The following QRICH1 variants were observed in gnomAD, a reference collection of about 807,000 sequenced individuals.
The protein encoded by QRICH1 is transcriptional regulator QRICH1.
In QRICH1, 16 loss-of-function variants were observed where a neutral mutation model predicts 87.1. That is an observed-to-expected ratio of 0.18 (90% confidence interval 0.12 to 0.28). The LOEUF is 0.28. QRICH1 is among the 10% of genes least tolerant of loss of function. The pLI is 1.00. For missense variants in QRICH1, 647 were observed against 951.7 expected (o/e 0.68, Z 4.21); for synonymous variants, 367 against 368.4 (o/e 1.00, Z 0.05).
At chr3:49,054,080 A>G (rs924296977) in intron 3 of QRICH1, among the ~76,000 whole-genome samples, 2 of 152,166 alleles carry the variant, frequency 1.3e-5, no homozygotes, top group African/African-American at 4.8e-5. Context: ...TCTGGTAATA[A>G]TAACTTCATG....
chr3:49,040,126 A>C (rs1036497292), intron 6 of QRICH1, among the ~76,000 whole-genome samples: 3 of 152,254 alleles, frequency 2.0e-5, no homozygotes, highest in Admixed American at 6.5e-5. Context: ...GGAATTCATT[A>C]ATCTATTGTT....
chr3:49,037,775 G>A (rs1315983314), intron 6 of QRICH1, among the ~76,000 whole-genome samples: 2 of 150,366 alleles, frequency 1.3e-5, no homozygotes, highest in African/African-American at 2.4e-5. Context: ...ACAAGGTCAG[G>A]AGTTCCACAC....
At chr3:49,064,760 A>T (rs889855198) in intron 2 of QRICH1, among the ~76,000 whole-genome samples, 1 of 152,162 alleles carries the variant, frequency 6.6e-6, no homozygotes, top group Admixed American at 6.6e-5. Flanking sequence ...TCATGCGTAT[A>T]ATCTCAGCAC....
At chr3:49,044,321 A>G (rs2093327527) in intron 6 of QRICH1, 69 bp downstream of exon 6, 3 of 1,256,326 alleles carry the variant, frequency 2.4e-6, no homozygotes, top group South Asian at 1.3e-5. Flanking sequence ...TTCATAGCCA[A>G]CCACAGAAGC....
chr3:49,046,695 A>T, intron 4 of QRICH1, 116 bp from the exon 5 acceptor site: 1 of 1,142,896 alleles, frequency 8.7e-7, no homozygotes, highest in Non-Finnish European at 1.2e-6. Flanking sequence ...TATCTACTAG[A>T]ATGTTTCATG....
intron 6 of QRICH1, among the ~76,000 whole-genome samples, 177 bp downstream of exon 6, chr3:49,044,213 T>C (rs1281930951): frequency 1.3e-5 from 2 of 152,210 alleles, no homozygotes; most frequent in African/African-American, 4.8e-5. Flanking sequence ...ACCAGCAGGC[T>C]TCTCTGGTGA....
rs1559945973 is a variant in QRICH1, at chr3:49,069,100, TATTA to T, written c.309+7605_309+7608del. On this transcript the variant is annotated intron_variant, in intron 2 of 9. Coordinates refer to ENST00000395443, the MANE Select transcript of QRICH1 (RefSeq NM_198880.3). ...GTAGAAAATTTATTATTATTATTAT[TATTA>T]TTATTTTTTTTTTTTTTTTGAGATA... is the stretch of plus-strand genomic sequence containing the variant. Among the ~76,000 whole-genome samples the T allele has an allele frequency of 1.2e-4, 10 of 84,392 alleles. No homozygotes were observed. The East Asian group carries it at 5.1e-3, about 43-fold the overall frequency. 55.4% of individuals were successfully genotyped at this position (84,392 alleles called of 152,430 possible). A position where few individuals can be genotyped will look rare whatever the true frequency, so the allele number is the denominator to read the frequency against.
chr3:49,052,836 T>A (rs927365405), intron 3 of QRICH1, among the ~76,000 whole-genome samples: 1 of 152,282 alleles, frequency 6.6e-6, no homozygotes, highest in South Asian at 2.1e-4. Context: ...GCTTTGGCCT[T>A]GTCACTTAAT....
At chr3:49,037,017 G>T (rs2093279209) in intron 6 of QRICH1, among the ~76,000 whole-genome samples, 1 of 145,564 alleles carries the variant, frequency 6.9e-6, no homozygotes, top group Non-Finnish European at 1.5e-5. Context: ...GCTACAGTGA[G>T]CCGTGTTCCC....
At chr3:49,069,181 G>A (rs1002083470) in intron 2 of QRICH1, among the ~76,000 whole-genome samples, 4 of 147,308 alleles carry the variant, frequency 2.7e-5, no homozygotes, top group African/African-American at 1.0e-4. Context: ...TTGGCTCACA[G>A]CAACCTCCGC....
chr3:49,067,762 C>T (rs900675033), intron 2 of QRICH1, among the ~76,000 whole-genome samples: 2 of 152,000 alleles, frequency 1.3e-5, no homozygotes, highest in East Asian at 1.9e-4. Context: ...AGGCGGATCA[C>T]GAGGTCAAGA....
intron 2 of QRICH1, among the ~76,000 whole-genome samples, chr3:49,064,603 C>A (rs1412007721): frequency 6.6e-6 from 1 of 152,070 alleles, no homozygotes; most frequent in Non-Finnish European, 1.5e-5. Context: ...CAGTGGCTCA[C>A]ACCTGTAATC....
chr3:49,089,970 G>A (rs1688798939), intron 1 of QRICH1, among the ~76,000 whole-genome samples: 2 of 152,194 alleles, frequency 1.3e-5, no homozygotes, highest in Admixed American at 6.5e-5. Flanking sequence ...AAATTGTACA[G>A]AGATCGCCTA....
intron 1 of QRICH1, among the ~76,000 whole-genome samples, chr3:49,080,493 AC>A (rs1305804449): frequency 6.6e-6 from 1 of 152,062 alleles, no homozygotes; most frequent in African/African-American, 2.4e-5. Context: ...AAAAACAACA[AC>A]AAAAAATAAT....
At position 49,070,926 on chromosome 3, in the gene QRICH1, G is replaced by A. The variant is rs183708386; in HGVS notation, c.309+5783C>T. 1.3e-4 allele frequency among the ~76,000 whole-genome samples: 20 copies of A among 152,104 alleles called. No individual in the cohort carries two copies. The East Asian group carries it at 2.3e-3, about 18-fold the overall frequency. The stretch of plus-strand genomic sequence containing the variant: ...GGTCAGTGGCTTTTCTTTCTTCTGA[G>A]ACAGAGTCTGCTCTGTCACCCAGGC... On this transcript the variant is annotated intron_variant, in intron 2 of 9. Coordinates refer to ENST00000395443, the MANE Select transcript of QRICH1 (RefSeq NM_198880.3).
chr3:49,030,270 G>A lies in QRICH1; in HGVS notation c.*182C>T. The A allele has an allele frequency of 5.0e-6, 3 of 597,764 alleles. No homozygotes were observed. The highest frequency in any genetic ancestry group is 8.6e-6 in the Non-Finnish European group (3 of 350,274). The allele number at this position is 597,764 out of a possible 1,614,324, so 37.0% of individuals were successfully genotyped here. ...ACCATCGGCTGAGGAGTCTGCCGCA[G>A]CAGGTTTATGAAGATGCAAAGGGGG... is the stretch of plus-strand genomic sequence containing the variant. On this transcript the variant is annotated 3_prime_UTR_variant, in exon 10 of 10. Coordinates refer to ENST00000395443, the MANE Select transcript of QRICH1 (RefSeq NM_198880.3).
At chr3:49,093,178 G>A (rs1005376628) in intron 1 of QRICH1, 3 of 152,146 alleles carry the variant, frequency 2.0e-5, no homozygotes, top group Non-Finnish European at 4.4e-5. Context: ...AATCCGAAGG[G>A]GCTCACTGCC....
chr3:49,076,990 A>C lies in QRICH1; in HGVS notation c.28T>G (p.Ser10Ala). The stretch of plus-strand genomic sequence containing the variant: ...TTTACTCGGATGTACTCTTCAAAGG[A>C]GATGGTGTTCTCTAGGGAATTATTC... The part of the protein sequence containing the change: MNNSLENTI[S>A]FEEYIRVKAR... The change falls in exon 2 of 10, where the codon TCC becomes GCC. Residue 10 changes from serine (S) to alanine (A), a missense_variant. Physicochemically the swap from Ser to Ala is moderately conservative, Grantham distance 99. Transcript: ENST00000395443. 1 of 1,519,936 alleles carries C rather than the reference A, an allele frequency of 6.6e-7. No individual in the cohort carries two copies. The highest frequency in any genetic ancestry group is 8.9e-7 in the Non-Finnish European group (1 of 1,124,638). 94.2% of individuals were successfully genotyped at this position (1,519,936 alleles called of 1,614,324 possible).
chr3:49,088,732 C>T (rs1460551559), intron 1 of QRICH1, among the ~76,000 whole-genome samples: 1 of 150,830 alleles, frequency 6.6e-6, no homozygotes, highest in Non-Finnish European at 1.5e-5. Context: ...CTCAAACAAT[C>T]CTCCTGCCTC....
Sources: allele counts gnomAD v4.1 joint callset (sites outside exome capture counted in the v4.1 genomes callset), GRCh38; gene constraint gnomAD v4.1.1; transcripts MANE v1.5; gene names NCBI Gene and HGNC (gene_info 2026-07-23, HGNC 2026-07-21).